Variants in KIRREL3 observed in about 807,000 individuals in gnomAD.
KIRREL3 encodes kin of IRRE-like protein 3.
In KIRREL3, 36 loss-of-function variants were observed where a neutral mutation model predicts 89.7. The observed-to-expected ratio is 0.40, with a 90% CI of 0.31 to 0.53. The LOEUF is 0.53. Among genes scored for constraint, KIRREL3 ranks in the 20% least tolerant of loss-of-function variants. KIRREL3 has a pLI of 0.49. For missense variants in KIRREL3, 864 were observed against 1,056.6 expected, an observed-to-expected ratio of 0.82 and a Z score of 2.53; for synonymous variants, 445 against 441.4, an observed-to-expected ratio of 1.01 and a Z score of -0.10.
At chr11:126,856,191 T>C (rs558962053) in intron 1 of KIRREL3, among the ~76,000 whole-genome samples, 2 of 152,180 alleles carry the variant, frequency 1.3e-5, no homozygotes, top group Non-Finnish European at 2.9e-5. Flanking sequence ...TAATGAAACC[T>C]GTGGAATTAA....
intron 1 of KIRREL3, among the ~76,000 whole-genome samples, chr11:126,702,542 C>T (rs1182301568): frequency 6.6e-6 from 1 of 152,220 alleles, no homozygotes; most frequent in Non-Finnish European, 1.5e-5. Flanking sequence ...CTTCCACCAG[C>T]TTCCTCTCAC....
In KIRREL3 at chr11:126,562,735, G is replaced by T; in HGVS notation, c.133+100C>A. The stretch of plus-strand genomic sequence containing the variant: ...GTCTTCCCACTGTCCCCTTCTGAGA[G>T]GTCCCAGGTTCTTATTCCTGGTTCC... On this transcript the variant is annotated intron_variant, in intron 2 of 16. Coordinates refer to ENST00000525144, the MANE Select transcript of KIRREL3 (RefSeq NM_032531.4). The surrounding 1 kb of genome is among the most constrained non-coding windows in gnomAD (Gnocchi z 4.7). 1.0e-6 allele frequency: 1 copy of T among 953,898 alleles called. No homozygotes were observed. Among genetic ancestry groups the T allele is most frequent in the Non-Finnish European group, 1.6e-6 (1 of 606,234 alleles). 59.1% of individuals were successfully genotyped at this position (953,898 alleles called of 1,614,324 possible). A position where few individuals can be genotyped will look rare whatever the true frequency, so the allele number is the denominator to read the frequency against.
intron 1 of KIRREL3, among the ~76,000 whole-genome samples, chr11:126,777,838 G>C (rs980185058): frequency 6.6e-6 from 1 of 152,042 alleles, no homozygotes; most frequent in Non-Finnish European, 1.5e-5. Context: ...TAGATTGTGG[G>C]CTCCTTGAAG....
intron 1 of KIRREL3, among the ~76,000 whole-genome samples, chr11:126,810,842 G>T (rs898751858): frequency 6.6e-6 from 1 of 152,184 alleles, no homozygotes; most frequent in East Asian, 1.9e-4. Flanking sequence ...TTCCAGCTGT[G>T]GTTGCAGTTC....
At chr11:126,456,041 T>TG (rs1956330625) in intron 7 of KIRREL3, among the ~76,000 whole-genome samples, 1 of 68,422 alleles carries the variant, frequency 1.5e-5, no homozygotes, top group Non-Finnish European at 3.0e-5. Flanking sequence ...TTGTTTTCGT[T>TG]TTTTTTTTTT....
intron 5 of KIRREL3, among the ~76,000 whole-genome samples, chr11:126,467,123 C>A (rs550944526): frequency 4.6e-5 from 7 of 152,350 alleles, no homozygotes; most frequent in Non-Finnish European, 8.8e-5. Flanking sequence ...TGGGTATGTG[C>A]GCGTACCTGT....
At chr11:126,749,132 C>T (rs749608209) in intron 1 of KIRREL3, among the ~76,000 whole-genome samples, 1 of 152,184 alleles carries the variant, frequency 6.6e-6, no homozygotes, top group Non-Finnish European at 1.5e-5. Flanking sequence ...TTCCATCTCC[C>T]GCTCCAAGTT....
At chr11:126,960,182 A>C (rs1021059045) in intron 1 of KIRREL3, among the ~76,000 whole-genome samples, 5 of 152,150 alleles carry the variant, frequency 3.3e-5, no homozygotes, top group South Asian at 2.1e-4. Flanking sequence ...ACAGAAATAG[A>C]AGTCAATTTG....
At chr11:126,646,206 C>A (rs149349603) in intron 1 of KIRREL3, among the ~76,000 whole-genome samples, 12 of 152,098 alleles carry the variant, frequency 7.9e-5, no homozygotes, top group African/African-American at 2.7e-4. Flanking sequence ...AGCACTGAAT[C>A]GGTCTGGGTT....
chr11:126,540,065 C>T (rs1456019481), intron 2 of KIRREL3, among the ~76,000 whole-genome samples: 3 of 152,206 alleles, frequency 2.0e-5, no homozygotes, highest in African/African-American at 7.2e-5. Context: ...TCCCTTTAGA[C>T]TGGGATTGGA....
chr11:126,984,777 C>A (rs1049562176), intron 1 of KIRREL3, among the ~76,000 whole-genome samples: 8 of 152,090 alleles, frequency 5.3e-5, no homozygotes, highest in African/African-American at 1.9e-4. Flanking sequence ...CATGTGAGCC[C>A]GCAGGAAGTG....
rs537175821 is a variant in KIRREL3, at chr11:126,564,252, C to T, written c.56-1340G>A. ...CAGTGTCTAGGCTCAAGAGGATAGA[C>T]GGAGCGGGTCATTCCTCTTTCTCCT... On this transcript the variant is annotated intron_variant, in intron 1 of 16. Coordinates refer to ENST00000525144, the MANE Select transcript of KIRREL3 (RefSeq NM_032531.4). The surrounding 1 kb of genome is among the most constrained non-coding windows in gnomAD (Gnocchi z 7.4). Among the ~76,000 whole-genome samples, 8 of 152,298 alleles carry T rather than the reference C, an allele frequency of 5.3e-5. No homozygotes were observed. The highest frequency in any genetic ancestry group is 1.9e-4 in the East Asian group (1 of 5,178).
chr11:126,834,624 C>T lies in KIRREL3; in HGVS notation c.55+165831G>A, dbSNP rs546626130. ...AGATGCGATTGGTTTGAAATTCTGA[C>T]GTCTAAGAGTCTTGCCCTATCTGAT... On this transcript the variant is annotated intron_variant, in intron 1 of 16. Coordinates refer to ENST00000525144, the MANE Select transcript of KIRREL3 (RefSeq NM_032531.4). Among the ~76,000 whole-genome samples the T allele has an allele frequency of 1.2e-4, 19 of 152,324 alleles. No homozygotes were observed. The South Asian group carries it at 2.5e-3, about 20-fold the overall frequency.
chr11:126,499,597 T>G (rs981997522), intron 4 of KIRREL3, among the ~76,000 whole-genome samples: 2 of 152,316 alleles, frequency 1.3e-5, no homozygotes, highest in Admixed American at 6.5e-5. Context: ...CCGACTACAC[T>G]TGCTCAAGCA....
chr11:126,890,151 AATT>A lies in KIRREL3; in HGVS notation c.55+110301_55+110303del, dbSNP rs1945855355. On this transcript the variant is annotated intron_variant, in intron 1 of 16. Coordinates refer to ENST00000525144, the MANE Select transcript of KIRREL3 (RefSeq NM_032531.4). The surrounding 1 kb of genome is among the most constrained non-coding windows in gnomAD (Gnocchi z 5.1). ...AATTCTTGAGTTAAAATGAAGATAA[AATT>A]ATTGGGGAGGTGGGGATAGAGCTGA... Among the ~76,000 whole-genome samples, 1 of 152,136 alleles carries A rather than the reference AATT, an allele frequency of 6.6e-6. No individual in the cohort carries two copies. The highest frequency in any genetic ancestry group is 1.5e-5 in the Non-Finnish European group (1 of 68,030).
At chr11:126,446,585 A>G (rs1955822501) in intron 9 of KIRREL3, among the ~76,000 whole-genome samples, 174 bp downstream of exon 9, 1 of 152,214 alleles carries the variant, frequency 6.6e-6, no homozygotes, top group East Asian at 1.9e-4. Context: ...TGGGACAGGC[A>G]CATGGGGGTG....
chr11:126,934,316 A>G (rs191991033), intron 1 of KIRREL3, among the ~76,000 whole-genome samples: 34 of 152,326 alleles, frequency 2.2e-4, no homozygotes, highest in Middle Eastern at 6.8e-3. Flanking sequence ...ATTAACCCCA[A>G]ATTGATATTG....
intron 4 of KIRREL3, among the ~76,000 whole-genome samples, chr11:126,502,503 G>A (rs1387756941): frequency 3.9e-5 from 6 of 152,198 alleles, no homozygotes. Context: ...CCTCCCTCTG[G>A]AGAACCATTT....
intron 1 of KIRREL3, among the ~76,000 whole-genome samples, chr11:126,810,668 A>C (rs567408003): frequency 1.3e-5 from 2 of 152,316 alleles, no homozygotes; most frequent in Non-Finnish European, 2.9e-5. Context: ...TTGCAGCCAG[A>C]GGTCTTTACA....
Sources: gnomAD v4.1 joint callset for allele counts (sites outside exome capture counted in the v4.1 genomes callset) on GRCh38, gnomAD v4.1.1 for gene constraint, Gnocchi (gnomAD v3.1) non-coding constraint, MANE v1.5 for transcripts, NCBI Gene and HGNC (gene_info 2026-07-23, HGNC 2026-07-21) for gene names.